LHFPL1: variants seen among roughly 807,000 people sequenced by gnomAD.
LHFPL1 encodes the protein LHFPL tetraspan subfamily member 1 protein.
In LHFPL1, 4 loss-of-function variants were observed where a neutral mutation model predicts 12.1. The ratio of observed to expected loss-of-function variants is 0.33; its 90% CI spans 0.16 to 0.76. The LOEUF (loss-of-function observed/expected upper bound fraction) is 0.76, where lower values mean the gene tolerates loss of function less well. Ranked by LOEUF, LHFPL1 falls within the 30% of genes least tolerant of loss-of-function variation. The pLI is 0.61. For synonymous variants in LHFPL1, 52 were observed against 61.9 expected (o/e 0.84, Z 0.75); for missense variants, 141 against 174.1 (o/e 0.81, Z 1.07).
intron 1 of LHFPL1, among the ~76,000 whole-genome samples, chrX:112,676,694 A>T (rs767436544): frequency 8.9e-6 from 1 of 112,287 alleles, no homozygotes; most frequent in South Asian, 3.7e-4. Context: ...AACCCACCTA[A>T]ACCATACATG....
At chrX:112,668,663 C>T (rs928146241) in intron 2 of LHFPL1, among the ~76,000 whole-genome samples, 4 of 112,550 alleles carry the variant, frequency 3.6e-5, no homozygotes, top group Non-Finnish European at 7.5e-5. Context: ...CTCTATGTGA[C>T]ACCTGCCACT....
chrX:112,661,835 C>T (rs1246895066), intron 2 of LHFPL1: 1 of 112,259 alleles, frequency 8.9e-6, no homozygotes, highest in Non-Finnish European at 1.9e-5. Context: ...AAGTTGAAAA[C>T]AACCCCACAA....
chrX:112,677,031 T>C (rs756797832), intron 1 of LHFPL1, among the ~76,000 whole-genome samples: 1 of 112,010 alleles, frequency 8.9e-6, no homozygotes, highest in South Asian at 3.8e-4. Context: ...CTTTTTTCAC[T>C]TTCTTGTATA....
chrX:112,670,611 T>C (rs771392123), intron 2 of LHFPL1, among the ~76,000 whole-genome samples: 4 of 112,718 alleles, frequency 3.5e-5, no homozygotes, highest in African/African-American at 1.3e-4. Context: ...ATTAGATCAC[T>C]GTTCTCTGAG....
chrX:112,667,708 A>T (rs1393048504), intron 2 of LHFPL1, among the ~76,000 whole-genome samples: 3 of 111,906 alleles, frequency 2.7e-5, no homozygotes, highest in Non-Finnish European at 5.6e-5. Context: ...CCCAGTGTTG[A>T]CATAATCTCC....
intron 3 of LHFPL1, among the ~76,000 whole-genome samples, chrX:112,643,257 T>C (rs1930577021): frequency 9.4e-6 from 1 of 106,007 alleles, no homozygotes; most frequent in Non-Finnish European, 1.9e-5. Context: ...TGCATGCCTG[T>C]AATCTCAGCT....
chrX:112,652,599 T>C (rs1054078746), intron 3 of LHFPL1, among the ~76,000 whole-genome samples: 4 of 111,838 alleles, frequency 3.6e-5, no homozygotes, highest in Non-Finnish European at 7.5e-5. Flanking sequence ...GGTGGTGACA[T>C]TGAAGATAAA....
At chrX:112,634,746 G>A (rs7049958) in intron 3 of LHFPL1, among the ~76,000 whole-genome samples, 18,294 of 110,534 alleles carry the variant, frequency 0.17, 2,231 homozygotes, top group African/African-American at 0.41. Flanking sequence ...TGAGCTAGGA[G>A]CCAACACTAA....
chrX:112,674,099 C>T (rs991783769), intron 1 of LHFPL1, among the ~76,000 whole-genome samples: 11 of 111,648 alleles, frequency 9.9e-5, no homozygotes, highest in African/African-American at 2.0e-4. Flanking sequence ...TAAAAATAGG[C>T]GCATAGACCA....
chrX:112,657,205 A>G (rs939450490), intron 3 of LHFPL1, among the ~76,000 whole-genome samples: 2 of 112,524 alleles, frequency 1.8e-5, no homozygotes, highest in African/African-American at 6.5e-5. Flanking sequence ...AAAAAATAAC[A>G]ATAAAATACT....
intron 3 of LHFPL1, among the ~76,000 whole-genome samples, chrX:112,646,587 C>T (rs1343286656): frequency 9.0e-6 from 1 of 110,627 alleles, no homozygotes; most frequent in Non-Finnish European, 1.9e-5. Flanking sequence ...CATTTAGGTT[C>T]CTTTATTAGT....
At chrX:112,677,588 T>C (rs567331170) in intron 1 of LHFPL1, among the ~76,000 whole-genome samples, 1 of 109,965 alleles carries the variant, frequency 9.1e-6, no homozygotes, top group Non-Finnish European at 1.9e-5. Flanking sequence ...GTTGGACCGA[T>C]GTGACTCCTT....
intron 1 of LHFPL1, among the ~76,000 whole-genome samples, chrX:112,673,107 G>A (rs532401650): frequency 1.8e-5 from 2 of 111,906 alleles, no homozygotes; most frequent in African/African-American, 6.5e-5. Context: ...GGCTAGTGAG[G>A]TACACTGGCC....
At chrX:112,674,030 C>T (rs902943399) in intron 1 of LHFPL1, among the ~76,000 whole-genome samples, 3 of 111,882 alleles carry the variant, frequency 2.7e-5, no homozygotes, top group Non-Finnish European at 5.6e-5. Flanking sequence ...AAGCATCATA[C>T]TACCTGATTT....
At chrX:112,633,447 T>C (rs1435736845) in intron 3 of LHFPL1, among the ~76,000 whole-genome samples, 2 of 112,602 alleles carry the variant, frequency 1.8e-5, no homozygotes, top group Non-Finnish European at 3.7e-5. Context: ...TGTACGCATA[T>C]ACTTTCCACT....
At chrX:112,659,186 G>A (rs1931101293) in intron 3 of LHFPL1, among the ~76,000 whole-genome samples, 1 of 111,778 alleles carries the variant, frequency 8.9e-6, no homozygotes. Flanking sequence ...CTGGGGCAGG[G>A]TGCGGTGGCT....
At chrX:112,655,744 T>C (rs780474547) in intron 3 of LHFPL1, among the ~76,000 whole-genome samples, 5 of 111,523 alleles carry the variant, frequency 4.5e-5, no homozygotes, top group African/African-American at 1.6e-4. Flanking sequence ...ATTATTTTTA[T>C]TTTTTGTAAA....
chrX:112,650,885 C>T (rs1386301037), intron 3 of LHFPL1, among the ~76,000 whole-genome samples: 1 of 112,294 alleles, frequency 8.9e-6, no homozygotes, highest in African/African-American at 3.2e-5. Flanking sequence ...GAGACAGCAA[C>T]ACACAGAACA....
At chrX:112,667,478 G>C (rs1458438962) in intron 2 of LHFPL1, among the ~76,000 whole-genome samples, 1 of 112,291 alleles carries the variant, frequency 8.9e-6, no homozygotes, top group African/African-American at 3.2e-5. Flanking sequence ...CCTTGGTCGA[G>C]AAAGATTCTT....
Sources: gnomAD v4.1 joint callset for allele counts (sites outside exome capture counted in the v4.1 genomes callset) on GRCh38, gnomAD v4.1.1 for gene constraint, MANE v1.5 for transcripts, NCBI Gene and HGNC (gene_info 2026-07-23, HGNC 2026-07-21) for gene names.